FN1: variants seen among roughly 807,000 people sequenced by gnomAD.
FN1 encodes fibronectin.
In FN1, 106 loss-of-function variants were observed where a neutral mutation model predicts 297.3. The ratio of observed to expected loss-of-function variants is 0.36; its 90% confidence interval spans 0.30 to 0.42. FN1 has a LOEUF of 0.42. FN1 is among the 10% of genes least tolerant of loss of function. The pLI is 1.00. For missense variants in FN1, 2,690 were observed against 3,124.9 expected, an observed-to-expected ratio of 0.86 and a Z score of 3.32; for synonymous variants, 1,149 against 1,152.6, an observed-to-expected ratio of 1.00 and a Z score of 0.06.
intron 24 of FN1, chr2:215,393,708 G>T (rs1289779150): frequency 6.6e-6 from 1 of 152,046 alleles, no homozygotes; most frequent in Admixed American, 6.5e-5. Flanking sequence ...TGGCCATAAC[G>T]CTAATGCATT....
In FN1 at chr2:215,434,732, C is replaced by T. The variant is rs1443645241; in HGVS notation, c.241G>A (p.Gly81Arg). ...GNALVCTCYG[G>R]SRGFNCESKP... ...CTCTCGCAGTTAAAACCTCGGCTTC[C>T]TCCATAACAAGTACAAACCAACGCA... The change falls in exon 2 of 46, where the codon GGA becomes AGA. Residue 81 changes from glycine (G) to arginine (R), a missense_variant. By Grantham distance (125) the Gly-to-Arg change is moderately radical. Transcript: ENST00000354785. 1 of 1,614,186 alleles carries T rather than the reference C, an allele frequency of 6.2e-7. No individual in the cohort carries two copies.
chr2:215,361,660 G>C (rs2053463673), intron 45 of FN1, 34 bp from the exon 46 acceptor site: 1 of 1,475,542 alleles, frequency 6.8e-7, no homozygotes, highest in African/African-American at 1.4e-5. Context: ...AAAAATTAGT[G>C]GCAAATACTG....
Position 215,386,742 on chromosome 2 carries a change from A to G in FN1, c.4559T>C (p.Val1520Ala), listed in dbSNP as rs370343584. The G allele has an allele frequency of 1.9e-6, 3 of 1,613,978 alleles. No individual in the cohort carries two copies. Among genetic ancestry groups the G allele is most frequent in the Non-Finnish European group, 2.5e-6 (3 of 1,179,984 alleles). ...TPGTEYVVSI[V>A]ALNGREESPL... ...ACTTTCCTCTCTGCCATTAAGAGCA[A>G]CGATGCTGACCACATACTCTGTGCC... is the stretch of plus-strand genomic sequence containing the variant. The change falls in exon 28 of 46, where the codon GTT (valine) becomes GCT (alanine). Residue 1520 changes from valine to alanine, a missense_variant. This residue lies in a region of FN1 where 1,743 missense variants were observed against 1,945.2 expected (regional missense o/e 0.90). Transcript: ENST00000354785.
At chr2:215,411,686 G>A (rs1236047615) in intron 13 of FN1, among the ~76,000 whole-genome samples, 1 of 128,622 alleles carries the variant, frequency 7.8e-6, no homozygotes, top group Non-Finnish European at 1.6e-5. Context: ...TTTTTTTTGA[G>A]ATGGAGTTTC....
In FN1 at chr2:215,423,540, T is replaced by C. The variant is rs766111035; in HGVS notation, c.1217-14A>G. On this transcript the variant is annotated splice_polypyrimidine_tract_variant and intron_variant, in intron 8 of 45. Coordinates refer to ENST00000354785, the MANE Select transcript of FN1 (RefSeq NM_212482.4). ...TCTGAACCAAAACTGCCAGGAACAA[T>C]ACACAACAAAGAAGGAAAAGATTAC... The C allele has an allele frequency of 1.9e-6, 3 of 1,613,290 alleles. No individual in the cohort carries two copies. The highest frequency in any genetic ancestry group is 2.5e-6 in the Non-Finnish European group (3 of 1,179,402).
intron 6 of FN1, among the ~76,000 whole-genome samples, chr2:215,425,871 C>T (rs1002755901): frequency 5.9e-5 from 9 of 152,038 alleles, no homozygotes; most frequent in South Asian, 2.1e-4. Flanking sequence ...CTCGCCTGGC[C>T]GGGATTATAT....
At chr2:215,434,892 C>A in intron 1 of FN1, 68 bp from the exon 2 acceptor site, 1 of 1,554,216 alleles carries the variant, frequency 6.4e-7, no homozygotes, top group South Asian at 1.1e-5. Flanking sequence ...GAATTTTCTT[C>A]ATGTGAATAT....
Position 215,386,805 on chromosome 2 carries a change from T to C in FN1, c.4496A>G (p.His1499Arg). 6.2e-7 allele frequency: 1 copy of C among 1,613,584 alleles called. No individual in the cohort carries two copies. Among genetic ancestry groups the C allele is most frequent in the Non-Finnish European group, 8.5e-7 (1 of 1,179,908 alleles). The stretch of plus-strand genomic sequence containing the variant: ...GGTGAGGGTGATGGAATTCCGAGAG[T>C]GGGGCACCCGATCTTCTCGAGGTCT... ...SGRPREDRVP[H>R]SRNSITLTNL... Residue 1499 changes from histidine to arginine, a missense_variant, in exon 28 of 46, where the codon CAC becomes CGC. Physicochemically the swap from His to Arg is conservative, Grantham distance 29 (BLOSUM62 0). Coordinates refer to ENST00000354785, the MANE Select transcript of FN1 (RefSeq NM_212482.4).
At chr2:215,418,020 A>C (rs1238120632) in intron 12 of FN1, among the ~76,000 whole-genome samples, 2 of 152,214 alleles carry the variant, frequency 1.3e-5, no homozygotes, top group Admixed American at 6.5e-5. Flanking sequence ...ATAAACAAAC[A>C]AACCATTCAT....
rs1383743867 is a variant in FN1, at chr2:215,371,610, T to TA, written c.6714+298dup. ...TCCAAAGTAGAGCCATATTGGGATTTAAAAAAAAAAAAAAGCAGGGCTTAA... is the reference window on the plus strand; with the variant it reads ...TCCAAAGTAGAGCCATATTGGGATTTAAAAAAAAAAAAAAAGCAGGGCTTAA... On this transcript the variant is annotated intron_variant, in intron 40 of 45. Coordinates refer to ENST00000354785, the MANE Select transcript of FN1 (RefSeq NM_212482.4). 0.022 allele frequency among the ~76,000 whole-genome samples: 2,964 copies of TA among 135,088 alleles called. 82 individuals are homozygous for TA. The highest frequency in any genetic ancestry group is 0.066 in the African/African-American group (2,450 of 36,976). 88.6% of individuals were successfully genotyped at this position (135,088 alleles called of 152,430 possible).
intron 24 of FN1, chr2:215,393,545 C>T (rs2059962154): frequency 6.5e-6 from 1 of 152,894 alleles, no homozygotes; most frequent in African/African-American, 2.4e-5. Flanking sequence ...TTCTTAGAGC[C>T]TAGACATAAT....
chr2:215,403,242 TATTA>T (rs2061362137), intron 20 of FN1, among the ~76,000 whole-genome samples: 1 of 152,206 alleles, frequency 6.6e-6, no homozygotes, highest in Non-Finnish European at 1.5e-5. Flanking sequence ...TACGATTAAC[TATTA>T]TTTAGGAAAA....
Position 215,391,800 on chromosome 2 carries a change from T to C in FN1, c.4084A>G (p.Thr1362Ala), listed in dbSNP as rs1480186489. The C allele has an allele frequency of 6.2e-7, 1 of 1,613,878 alleles. No homozygotes were observed. The highest frequency in any genetic ancestry group is 8.5e-7 in the Non-Finnish European group (1 of 1,179,984). ...LTQQTAVPPPTDLRFTNIGPD... is the reference protein window; with the variant it reads ...LTQQTAVPPPADLRFTNIGPD... ...CCAATGTTGGTGAATCGCAGGTCAGTGGGAGGAGGAACAGCTGGTTTCGAA... is the reference window on the plus strand; with the variant it reads ...CCAATGTTGGTGAATCGCAGGTCAGCGGGAGGAGGAACAGCTGGTTTCGAA... Residue 1362 changes from threonine (T) to alanine (A), a missense_variant, in exon 26 of 46, where the codon ACT becomes GCT. Thr to Ala is a moderately conservative substitution (Grantham distance 58, BLOSUM62 0). Around this residue, in one of 3 missense-constraint regions of FN1, gnomAD observed 1,743 missense variants for 1,945.2 expected, o/e 0.90. Transcript: ENST00000354785.
intron 23 of FN1, among the ~76,000 whole-genome samples, chr2:215,396,210 C>G: frequency 6.6e-6 from 1 of 152,060 alleles, no homozygotes; most frequent in Non-Finnish European, 1.5e-5. Context: ...AAACATATCC[C>G]TTAAATTAAC....
intron 6 of FN1, among the ~76,000 whole-genome samples, chr2:215,426,369 CG>C (rs2065425014): frequency 6.6e-6 from 1 of 151,794 alleles, no homozygotes; most frequent in Non-Finnish European, 1.5e-5. Flanking sequence ...AGGATGGTCT[CG>C]ATCTCCTGAC....
At chr2:215,367,402 A>G (rs1244079749) in intron 42 of FN1, among the ~76,000 whole-genome samples, 1 of 152,156 alleles carries the variant, frequency 6.6e-6, no homozygotes, top group Non-Finnish European at 1.5e-5. Context: ...GTGTGACGCA[A>G]AAGTGTGTGC....
chr2:215,429,584 A>T (rs2066103580), intron 5 of FN1, among the ~76,000 whole-genome samples: 2 of 152,224 alleles, frequency 1.3e-5, no homozygotes, highest in Admixed American at 6.5e-5. Context: ...GCTTTTTCCC[A>T]AATCCCCAGC....
chr2:215,402,918 T>C (rs772515252), intron 20 of FN1, among the ~76,000 whole-genome samples: 8 of 152,322 alleles, frequency 5.3e-5, no homozygotes, highest in Non-Finnish European at 1.0e-4. Flanking sequence ...TTAGCATCAT[T>C]AAAAATGCTT....
Position 215,383,421 on chromosome 2 carries a change from A to G in FN1, c.4957T>C (p.Trp1653Arg). 6.2e-7 allele frequency: 1 copy of G among 1,614,118 alleles called. No individual in the cohort carries two copies. Reference protein sequence around the residue: ...DVQDNSISVKWLPSSSPVTGY... With the variant: ...DVQDNSISVKRLPSSSPVTGY... ...GTAACAGGGGAACTTGAAGGCAGCC[A>G]CTTGACACTAATGCTGTTGTCCTGA... is the stretch of plus-strand genomic sequence containing the variant. Residue 1653 changes from tryptophan (W) to arginine (R), a missense_variant, in exon 31 of 46, where the codon TGG becomes CGG. Coordinates refer to ENST00000354785, the MANE Select transcript of FN1 (RefSeq NM_212482.4).
Sources: gnomAD v4.1 joint callset for allele counts (sites outside exome capture counted in the v4.1 genomes callset) on GRCh38, gnomAD v4.1.1 for gene constraint, gnomAD v4.1.1 regional missense constraint, MANE v1.5 for transcripts, NCBI Gene and HGNC (gene_info 2026-07-23, HGNC 2026-07-21) for gene names.